NLRC3: variants seen among roughly 807,000 people sequenced by gnomAD.
NLRC3 encodes the protein NLR family CARD domain containing 3.
NLRC3 carries 87 observed loss-of-function variants against 91.6 expected under a neutral mutation model. The observed-to-expected ratio is 0.95, with a 90% CI of 0.80 to 1.14. NLRC3 has a LOEUF of 1.14. Ranked by LOEUF, NLRC3 falls within the 50% of genes most tolerant of loss-of-function variation. NLRC3 has a pLI of 0.00. For missense variants in NLRC3, 1,577 were observed against 1,418.6 expected (o/e 1.11, Z -1.79); for synonymous variants, 694 against 625.3 (o/e 1.11, Z -1.64).
chr16:3,550,062 G>T (rs1427461680), intron 11 of NLRC3, among the ~76,000 whole-genome samples: 1 of 152,148 alleles, frequency 6.6e-6, no homozygotes, highest in Non-Finnish European at 1.5e-5. Flanking sequence ...GGGTGTGTTG[G>T]GTCTGCAGCC....
intron 2 of NLRC3, among the ~76,000 whole-genome samples, chr16:3,566,448 G>A (rs1467655729): frequency 2.6e-5 from 4 of 152,034 alleles, no homozygotes; most frequent in South Asian, 2.1e-4. Flanking sequence ...AAAATTAGCC[G>A]GGGAGGGTGG....
intron 6 of NLRC3, among the ~76,000 whole-genome samples, chr16:3,558,582 C>A (rs78351851): frequency 2.0e-5 from 3 of 147,618 alleles, no homozygotes; most frequent in Admixed American, 6.8e-5. Flanking sequence ...TAAAAAAAAA[C>A]CACACACACA....
chr16:3,543,018 C>T (rs1450289668), intron 17 of NLRC3: 4 of 545,526 alleles, frequency 7.3e-6, no homozygotes, highest in Non-Finnish European at 1.3e-5. Context: ...TCTTCCATTT[C>T]AAACAGAAAA....
Position 3,563,551 on chromosome 16 carries a change from C to T in NLRC3, c.1386G>A (p.Val462=), listed in dbSNP as rs752808846. ...ATGCGCCATAGTAATACGCGGCTGC[C>T]ACAAACTCCTGCAGGGACAGGTGGG... ...CFTHLSLQEF[V]AAAYYYGASR... is the part of the protein sequence containing the mutation. The change falls in exon 5 of 20, where the codon GTG becomes GTA. Residue 462 remains valine (V), a synonymous_variant. Coordinates refer to ENST00000359128, the MANE Select transcript of NLRC3 (RefSeq NM_178844.4). The T allele has an allele frequency of 6.2e-7, 1 of 1,611,296 alleles. No homozygotes were observed. Among genetic ancestry groups the T allele is most frequent in the South Asian group, 1.1e-5 (1 of 90,568 alleles).
At chr16:3,576,725 C>G (rs923936294) in intron 1 of NLRC3, among the ~76,000 whole-genome samples, 21 of 152,106 alleles carry the variant, frequency 1.4e-4, no homozygotes, top group African/African-American at 4.8e-4. Context: ...TGCAGTGGCT[C>G]GATCTCGGCT....
chr16:3,557,480 GAACA>G, intron 7 of NLRC3, 109 bp downstream of exon 7: 1 of 649,390 alleles, frequency 1.5e-6, no homozygotes, highest in Non-Finnish European at 2.8e-6. Flanking sequence ...AATCAGGGAA[GAACA>G]GACAGGTAAG....
intron 10 of NLRC3, among the ~76,000 whole-genome samples, chr16:3,551,214 A>G (rs908768278): frequency 2.7e-5 from 4 of 150,382 alleles, no homozygotes; most frequent in South Asian, 2.1e-4. Flanking sequence ...CCATTCATCT[A>G]TCCATTCATC....
intron 1 of NLRC3, among the ~76,000 whole-genome samples, chr16:3,571,163 A>C (rs1254473059): frequency 1.3e-5 from 2 of 152,174 alleles, no homozygotes; most frequent in Non-Finnish European, 2.9e-5. Context: ...GGGGCAATTG[A>C]CCAGCCTATG....
intron 15 of NLRC3, among the ~76,000 whole-genome samples, chr16:3,547,682 A>T (rs74690830): frequency 0.013 from 1,960 of 151,544 alleles, 38 homozygotes; most frequent in African/African-American, 0.038. Flanking sequence ...ATATATATAT[A>T]TTTTTTAACA....
In NLRC3 at chr16:3,548,770, A is replaced by G. The variant is rs1214159168; in HGVS notation, c.2604-17T>C. On this transcript the variant is annotated splice_polypyrimidine_tract_variant and intron_variant, in intron 13 of 19. Transcript: ENST00000359128. Reference sequence around the variant, plus strand: ...GCTGTCAGGCTAGGAGGAAGGGAACAGGAGCAAGTGAGCCGGGGGCCGGCT... The same window carrying G: ...GCTGTCAGGCTAGGAGGAAGGGAACGGGAGCAAGTGAGCCGGGGGCCGGCT... The G allele has an allele frequency of 6.3e-6, 10 of 1,580,030 alleles. No individual in the cohort carries two copies. The highest frequency in any genetic ancestry group is 1.2e-5 in the South Asian group (1 of 86,540).
intron 6 of NLRC3, among the ~76,000 whole-genome samples, chr16:3,559,336 T>A (rs1230556102): frequency 6.6e-6 from 1 of 152,166 alleles, no homozygotes; most frequent in Non-Finnish European, 1.5e-5. Flanking sequence ...GAGAAGAGAT[T>A]TTTGGCTTCA....
intron 1 of NLRC3, among the ~76,000 whole-genome samples, chr16:3,569,159 C>T (rs887735305): frequency 1.3e-5 from 2 of 151,630 alleles, no homozygotes; most frequent in Non-Finnish European, 2.9e-5. Flanking sequence ...ACTAAAAATA[C>T]AAAAGTTAGC....
chr16:3,576,298 C>T (rs1042727779), intron 1 of NLRC3, among the ~76,000 whole-genome samples: 6 of 152,336 alleles, frequency 3.9e-5, no homozygotes, highest in South Asian at 2.1e-4. Flanking sequence ...CCGTCTCTCT[C>T]GACCCTTGTC....
rs199475938 is a variant in NLRC3, at chr16:3,563,356, G to C, written c.1581C>G (p.Ala527=). Reference sequence around the variant, plus strand: ...GGGCCAGCAGGGAGCCGGCCAGGAGGGCATTGACCCTCGGAGACAAGAGGC... The same window carrying C: ...GGGCCAGCAGGGAGCCGGCCAGGAGCGCATTGACCCTCGGAGACAAGAGGC... ...LSGLLSPRVN[A]LLAGSLLAQG... The change falls in exon 5 of 20, where the codon GCC becomes GCG. Residue 527 remains alanine, a synonymous_variant. Transcript: ENST00000359128. 51 of 1,590,188 alleles carry C rather than the reference G, an allele frequency of 3.2e-5. 1 individual carries two copies. The South Asian group carries it at 4.7e-4, about 15-fold the overall frequency.
rs952960860 is a variant in NLRC3, at chr16:3,544,347, C to T, written c.2772-18G>A. 3 of 1,591,272 alleles carry T rather than the reference C, an allele frequency of 1.9e-6. No homozygotes were observed. The highest frequency in any genetic ancestry group is 1.7e-6 in the Non-Finnish European group (2 of 1,159,626). On this transcript the variant is annotated intron_variant, in intron 15 of 19. Transcript: ENST00000359128. ...CCTGTAAACTAGACACAGAGTATGA[C>T]CCCTTTGGGTGCACGGGGCACAGGG...
Position 3,548,203 on chromosome 16 carries a change from GA to G in NLRC3, c.2702del (p.Phe901SerfsTer23). ...TLTSLHLQWN[F>X]IQAGAAQALG... ...GGGCCTGGGCAGCGCCGGCCTGGAT[GA>G]AGTTCCACTGCAGGCTGGGCAGACA... On this transcript the variant is annotated frameshift_variant, in exon 15 of 20. Coordinates refer to ENST00000359128, the MANE Select transcript of NLRC3 (RefSeq NM_178844.4). LOFTEE classifies it high-confidence loss of function. 1 of 1,593,586 alleles carries G rather than the reference GA, an allele frequency of 6.3e-7. No homozygotes were observed.
intron 15 of NLRC3, chr16:3,544,624 G>A: frequency 5.4e-6 from 2 of 368,800 alleles, no homozygotes; most frequent in Non-Finnish European, 5.0e-6. Flanking sequence ...GCTTTTCACA[G>A]CCAACCAGAA....
Position 3,563,747 on chromosome 16 carries a change from A to G in NLRC3, c.1190T>C (p.Val397Ala), listed in dbSNP as rs768755702. Residue 397 changes from valine to alanine, a missense_variant, in exon 5 of 20, where the codon GTG becomes GCG. Coordinates refer to ENST00000359128, the MANE Select transcript of NLRC3 (RefSeq NM_178844.4). ...EQVAHGGRKM[V>A]GTLGRLAFHG... ...GAAGGCCAGACGGCCCAATGTCCCC[A>G]CCATCTTGCGGCCACCATGGGCCAC... The G allele has an allele frequency of 1.1e-5, 18 of 1,613,420 alleles. No homozygotes were observed. Among genetic ancestry groups the G allele is most frequent in the Non-Finnish European group, 1.5e-5 (18 of 1,179,778 alleles).
chr16:3,574,093 TCTCACTGCAACCTCTGC>T (rs1249019398), intron 1 of NLRC3, among the ~76,000 whole-genome samples: 1 of 140,440 alleles, frequency 7.1e-6, no homozygotes, highest in Non-Finnish European at 1.5e-5. Flanking sequence ...CACTATCTCG[TCTCACTGCAACCTCTGC>T]CTCCTGGGTT....
Sources: allele counts gnomAD v4.1 joint callset (sites outside exome capture counted in the v4.1 genomes callset), GRCh38; gene constraint gnomAD v4.1.1; transcripts MANE v1.5; gene names NCBI Gene and HGNC (gene_info 2026-07-23, HGNC 2026-07-21).